NCOA1: variants seen among roughly 807,000 people sequenced by gnomAD.
NCOA1 encodes the protein Hin-2 protein.
Under a neutral mutation model 150.9 loss-of-function variants are expected in NCOA1, and 35 were observed. The observed-to-expected ratio is 0.23, with a 90% CI of 0.18 to 0.31. The LOEUF is 0.31. Ranked by LOEUF, NCOA1 falls within the 10% of genes least tolerant of loss-of-function variation. The pLI, the probability that NCOA1 is intolerant of heterozygous loss-of-function variation, is 1.00. For synonymous variants in NCOA1, 590 were observed against 630.0 expected (o/e 0.94, Z 0.95); for missense variants, 1,491 against 1,749.3 (o/e 0.85, Z 2.63).
chr2:24,572,735 T>G (rs985869382), intron 2 of NCOA1, among the ~76,000 whole-genome samples: 1 of 152,160 alleles, frequency 6.6e-6, no homozygotes, highest in Non-Finnish European at 1.5e-5. Flanking sequence ...TTTAATTTTA[T>G]TTTTGAAAAT....
chr2:24,555,532 A>G (rs1158475239), intron 1 of NCOA1, among the ~76,000 whole-genome samples: 2 of 152,174 alleles, frequency 1.3e-5, no homozygotes, highest in African/African-American at 4.8e-5. Context: ...TTCTTGTTCT[A>G]TTGATTAATA....
intron 22 of NCOA1, among the ~76,000 whole-genome samples, chr2:24,766,385 A>T (rs546272658): frequency 6.6e-6 from 1 of 152,326 alleles, no homozygotes; most frequent in South Asian, 2.1e-4. Flanking sequence ...ATCACTGCCT[A>T]AAAAAGAACT....
At chr2:24,552,051 T>G (rs1665850262) in intron 1 of NCOA1, among the ~76,000 whole-genome samples, 1 of 152,024 alleles carries the variant, frequency 6.6e-6, no homozygotes. Context: ...TTGCTGTAGC[T>G]TTATGGAAAG....
chr2:24,536,998 T>TA lies in NCOA1; in HGVS notation c.-395-27289dup, dbSNP rs561274118. On this transcript the variant is annotated intron_variant, in intron 1 of 22. Coordinates refer to ENST00000348332, the MANE Select transcript of NCOA1 (RefSeq NM_003743.5). The stretch of plus-strand genomic sequence containing the variant: ...GGAGGTTGGGAGAGGGGGCAAAGGG[T>TA]AAAAAAAACTACATATTGGGTATAA... 5.7e-3 allele frequency among the ~76,000 whole-genome samples: 869 copies of TA among 151,164 alleles called. 3 individuals are homozygous for TA. Among genetic ancestry groups the TA allele is most frequent in the Non-Finnish European group, 0.01 (692 of 67,738 alleles).
intron 2 of NCOA1, among the ~76,000 whole-genome samples, chr2:24,578,383 G>T (rs1465093081): frequency 1.3e-5 from 2 of 152,018 alleles, no homozygotes; most frequent in Non-Finnish European, 2.9e-5. Flanking sequence ...CTGTAAAGAA[G>T]TGATTATAAA....
chr2:24,707,954 C>T (rs2148596862), intron 13 of NCOA1, 66 bp downstream of exon 13: 1 of 1,491,492 alleles, frequency 6.7e-7, no homozygotes, highest in Non-Finnish European at 8.9e-7. Context: ...TATTCTATTC[C>T]ATCTGTAGAC....
intron 7 of NCOA1, among the ~76,000 whole-genome samples, chr2:24,680,574 G>T (rs1371666011): frequency 6.6e-6 from 1 of 152,176 alleles, no homozygotes; most frequent in Non-Finnish European, 1.5e-5. Context: ...TGCGTGAAGG[G>T]TTGGGGGGAT....
At chr2:24,597,148 T>C (rs1667918389) in intron 3 of NCOA1, among the ~76,000 whole-genome samples, 1 of 152,188 alleles carries the variant, frequency 6.6e-6, no homozygotes, top group Non-Finnish European at 1.5e-5. Context: ...TCTATTGATA[T>C]AGGAACCTCA....
intron 3 of NCOA1, among the ~76,000 whole-genome samples, chr2:24,604,578 C>CT (rs1308949169): frequency 6.6e-6 from 1 of 152,198 alleles, no homozygotes; most frequent in Non-Finnish European, 1.5e-5. Context: ...GAACCAATCT[C>CT]TGTTAGCTTC....
intron 11 of NCOA1, among the ~76,000 whole-genome samples, chr2:24,702,109 A>T (rs1436774119): frequency 6.6e-6 from 1 of 152,244 alleles, no homozygotes; most frequent in Non-Finnish European, 1.5e-5. Flanking sequence ...GATATCAATG[A>T]TTAATTAGAA....
intron 1 of NCOA1, among the ~76,000 whole-genome samples, chr2:24,537,616 T>C (rs1665215628): frequency 6.6e-6 from 1 of 151,974 alleles, no homozygotes; most frequent in Non-Finnish European, 1.5e-5. Flanking sequence ...GGTCAAAGGA[T>C]ACAAAATAGC....
rs1202424294 is a variant in NCOA1 at position 24,706,710 on chromosome 2, G to A, written c.1240G>A (p.Val414Ile). Residue 414 changes from valine to isoleucine, a missense_variant, in exon 13 of 23, where the codon GTA becomes ATA. By Grantham distance (29) the Val-to-Ile change is conservative. Around this residue, in one of 8 missense-constraint regions of NCOA1, gnomAD observed 703 missense variants for 717.7 expected, o/e 0.98. Coordinates refer to ENST00000348332, the MANE Select transcript of NCOA1 (RefSeq NM_003743.5). ...STLPPSNSNMVSTRINRQQSS... is the reference protein window; with the variant it reads ...STLPPSNSNMISTRINRQQSS... ...ATTGCCACCATCCAACAGCAACATG[G>A]TATCCACCAGAATAAACCGCCAGCA... 6.2e-7 allele frequency: 1 copy of A among 1,614,158 alleles called. No homozygotes were observed. The highest frequency in any genetic ancestry group is 8.5e-7 in the Non-Finnish European group (1 of 1,180,012).
chr2:24,767,388 C>T (rs1665121065), intron 22 of NCOA1, among the ~76,000 whole-genome samples: 1 of 152,164 alleles, frequency 6.6e-6, no homozygotes, highest in Admixed American at 6.5e-5. Flanking sequence ...GGTATTGGCC[C>T]TAATCAGTTC....
At chr2:24,595,786 G>A (rs1057484451) in intron 3 of NCOA1, among the ~76,000 whole-genome samples, 9 of 152,248 alleles carry the variant, frequency 5.9e-5, no homozygotes, top group East Asian at 1.9e-4. Flanking sequence ...AACTAGGCAA[G>A]CAGGTATTAG....
At chr2:24,765,156 G>A (rs1449200111) in intron 22 of NCOA1, among the ~76,000 whole-genome samples, 3 of 150,866 alleles carry the variant, frequency 2.0e-5, no homozygotes, top group African/African-American at 4.9e-5. Flanking sequence ...TATCTTGGGC[G>A]ACAGAGGGAT....
chr2:24,738,603 GATAA>G, intron 17 of NCOA1, among the ~76,000 whole-genome samples: 1 of 152,284 alleles, frequency 6.6e-6, no homozygotes, highest in Non-Finnish European at 1.5e-5. Flanking sequence ...AAAGGTTCAT[GATAA>G]ATAAATTGCA....
At chr2:24,664,643 G>A (rs1671331101) in intron 5 of NCOA1, among the ~76,000 whole-genome samples, 1 of 152,114 alleles carries the variant, frequency 6.6e-6, no homozygotes, top group African/African-American at 2.4e-5. Flanking sequence ...GGGAGGCAGA[G>A]GTTGCAGTGA....
intron 3 of NCOA1, among the ~76,000 whole-genome samples, chr2:24,618,559 A>G (rs1048428694): frequency 6.6e-6 from 1 of 151,962 alleles, no homozygotes; most frequent in Non-Finnish European, 1.5e-5. Flanking sequence ...TAACCAGAGC[A>G]TGGATAGTTA....
At chr2:24,674,542 C>T (rs938262281) in intron 7 of NCOA1, among the ~76,000 whole-genome samples, 6 of 151,772 alleles carry the variant, frequency 4.0e-5, no homozygotes, top group African/African-American at 1.5e-4. Flanking sequence ...AAAGGTAGCA[C>T]GGGTAAAGAA....
Sources: gnomAD v4.1 joint callset for allele counts (sites outside exome capture counted in the v4.1 genomes callset) on GRCh38, gnomAD v4.1.1 for gene constraint, gnomAD v4.1.1 regional missense constraint, MANE v1.5 for transcripts, NCBI Gene and HGNC (gene_info 2026-07-23, HGNC 2026-07-21) for gene names.